BICC1: variants seen among roughly 807,000 people sequenced by gnomAD.
BICC1 encodes the protein BicC family RNA binding protein 1.
In BICC1, 43 loss-of-function variants were observed where a neutral mutation model predicts 111.0. The ratio of observed to expected loss-of-function variants is 0.39; its 90% CI spans 0.30 to 0.50. The LOEUF (loss-of-function observed/expected upper bound fraction) is 0.50, where lower values mean the gene tolerates loss of function less well. Ranked by LOEUF, BICC1 falls within the 20% of genes least tolerant of loss-of-function variation. The probability of loss-of-function intolerance (pLI) is 0.88; values close to 1 mark genes in which losing one functional copy is unlikely to be tolerated. For synonymous variants in BICC1, 467 were observed against 434.4 expected (o/e 1.07, Z -0.93); for missense variants, 1,091 against 1,203.2 (o/e 0.91, Z 1.38).
intron 2 of BICC1, among the ~76,000 whole-genome samples, chr10:58,676,226 G>A (rs1170834979): frequency 1.3e-5 from 2 of 152,170 alleles, no homozygotes; most frequent in Non-Finnish European, 1.5e-5. Flanking sequence ...ACTAGCTGCA[G>A]GAGTGTTTTT....
intron 1 of BICC1, among the ~76,000 whole-genome samples, chr10:58,519,671 C>T (rs1006516715): frequency 1.4e-4 from 21 of 152,108 alleles, no homozygotes; most frequent in Admixed American, 7.9e-4. Flanking sequence ...CTGAGAGGCT[C>T]CCTAGAATTT....
intron 2 of BICC1, among the ~76,000 whole-genome samples, chr10:58,698,297 T>C (rs1007680381): frequency 1.8e-4 from 27 of 152,114 alleles, no homozygotes; most frequent in African/African-American, 6.3e-4. Context: ...ATGTGTGGGG[T>C]GAGCCTTGAA....
intron 1 of BICC1, among the ~76,000 whole-genome samples, chr10:58,583,603 TG>T (rs1251232266): frequency 3.9e-5 from 6 of 152,134 alleles, no homozygotes; most frequent in Non-Finnish European, 5.9e-5. Flanking sequence ...TGTGTGTGTG[TG>T]TGTGTGTGTG....
chr10:58,745,998 T>G (rs760409282), intron 3 of BICC1, among the ~76,000 whole-genome samples: 1 of 152,052 alleles, frequency 6.6e-6, no homozygotes, highest in Non-Finnish European at 1.5e-5. Flanking sequence ...CACAGGCAGA[T>G]GAGAGAGGTT....
intron 9 of BICC1, among the ~76,000 whole-genome samples, chr10:58,794,942 AAAG>A (rs1843303429): frequency 6.6e-6 from 1 of 152,194 alleles, no homozygotes. Flanking sequence ...TTGAGTAAAA[AAAG>A]TATATTGCAT....
chr10:58,639,628 C>T (rs140586522), intron 2 of BICC1, among the ~76,000 whole-genome samples: 1,584 of 143,142 alleles, frequency 0.011, 26 homozygotes, highest in African/African-American at 0.04. Context: ...TGTTGGCCAG[C>T]CTGGTCTCGA....
At chr10:58,636,281 C>T (rs1369521742) in intron 2 of BICC1, among the ~76,000 whole-genome samples, 1 of 152,190 alleles carries the variant, frequency 6.6e-6, no homozygotes, top group African/African-American at 2.4e-5. Flanking sequence ...CCCAATTCAA[C>T]ACTGTTTATT....
At chr10:58,531,407 G>T (rs754352999) in intron 1 of BICC1, among the ~76,000 whole-genome samples, 1 of 151,810 alleles carries the variant, frequency 6.6e-6, no homozygotes. Context: ...TTGAGAGACC[G>T]CCAGAATCTC....
rs1185110668 is a variant in BICC1 at position 58,800,323 on chromosome 10, G to A, written c.1855G>A (p.Glu619Lys). ...EQTSPKSSPTEGCNDAFVEVG... is the reference protein window; with the variant it reads ...EQTSPKSSPTKGCNDAFVEVG... ...GACATCTCCCAAATCAAGCCCCACT[G>A]AAGGTCGGGAACTGTACCCTTCTGA... Residue 619 changes from glutamate (E) to lysine (K), a missense_variant, in exon 13 of 21, where the codon GAA (glutamate) becomes AAA (lysine). Glu to Lys is a moderately conservative substitution (Grantham distance 56). Transcript: ENST00000373886. 2.5e-6 allele frequency: 4 copies of A among 1,613,448 alleles called. No homozygotes were observed. Among genetic ancestry groups the A allele is most frequent in the Non-Finnish European group, 3.4e-6 (4 of 1,179,658 alleles).
Position 58,759,597 on chromosome 10 carries a change from CTT to C in BICC1, c.308-25400_308-25399del, listed in dbSNP as rs372732870. 2.8e-3 allele frequency among the ~76,000 whole-genome samples: 431 copies of C among 152,244 alleles called. 4 individuals are homozygous for C. The highest frequency in any genetic ancestry group is 4.0e-3 in the Non-Finnish European group (273 of 68,006). On this transcript the variant is annotated intron_variant, in intron 3 of 20. Coordinates refer to ENST00000373886, the MANE Select transcript of BICC1 (RefSeq NM_001080512.3). ...GTTAATACAATATTTCCTGTTTACT[CTT>C]TTTCTATGGTGTAAAAGAAACTGAA... is the stretch of plus-strand genomic sequence containing the variant.
chr10:58,542,160 A>AAG (rs894247565), intron 1 of BICC1, among the ~76,000 whole-genome samples: 1 of 146,870 alleles, frequency 6.8e-6, no homozygotes, highest in Admixed American at 6.7e-5. Flanking sequence ...CAAAAAAAAA[A>AAG]AAAAAACAAA....
chr10:58,543,359 G>A (rs144688108), intron 1 of BICC1, among the ~76,000 whole-genome samples: 2 of 152,222 alleles, frequency 1.3e-5, no homozygotes, highest in Non-Finnish European at 2.9e-5. Context: ...AAGGGATAGG[G>A]ATGAAGAAAG....
intron 9 of BICC1, among the ~76,000 whole-genome samples, chr10:58,794,465 C>A (rs972700976): frequency 7.3e-5 from 11 of 150,438 alleles, no homozygotes; most frequent in Admixed American, 7.3e-4. Flanking sequence ...ATCACCAAGG[C>A]TGGAGTACAG....
intron 1 of BICC1, among the ~76,000 whole-genome samples, chr10:58,580,397 C>A (rs1303652270): frequency 6.6e-6 from 1 of 152,084 alleles, no homozygotes; most frequent in Non-Finnish European, 1.5e-5. Context: ...CTCTAAAATT[C>A]AAAACTTTCT....
At chr10:58,602,950 C>G (rs962060506) in intron 1 of BICC1, among the ~76,000 whole-genome samples, 1 of 152,154 alleles carries the variant, frequency 6.6e-6, no homozygotes, top group Admixed American at 6.5e-5. Flanking sequence ...TCCTCCAGTT[C>G]CACTGGACAC....
chr10:58,751,487 G>T lies in BICC1; in HGVS notation c.308-33514G>T, dbSNP rs1306993162. Among the ~76,000 whole-genome samples the T allele has an allele frequency of 3.3e-5, 5 of 152,020 alleles. No homozygotes were observed. The East Asian group carries it at 7.7e-4, about 23-fold the overall frequency. On this transcript the variant is annotated intron_variant, in intron 3 of 20. Coordinates refer to ENST00000373886, the MANE Select transcript of BICC1 (RefSeq NM_001080512.3). Reference sequence around the variant, plus strand: ...GAAGTCCTTTATTAATAATACCTGGGATATGTTTTGTATTTAGGAAGTAAC... The same window carrying T: ...GAAGTCCTTTATTAATAATACCTGGTATATGTTTTGTATTTAGGAAGTAAC...
chr10:58,756,626 C>CTTTTTTTTTTTT (rs66709538), intron 3 of BICC1, among the ~76,000 whole-genome samples: 1 of 135,890 alleles, frequency 7.4e-6, no homozygotes, highest in Non-Finnish European at 1.6e-5. Context: ...AACTACTAGC[C>CTTTTTTTTTTTT]TTTTTTTTTT....
Position 58,527,672 on chromosome 10 carries a change from AAT to A in BICC1, c.190+14341_190+14342del, listed in dbSNP as rs1191589828. On this transcript the variant is annotated intron_variant, in intron 1 of 20. Transcript: ENST00000373886. ...CCAGTTTTCCCAGCACCATTTATTA[AAT>A]AGGGAATCCTTTCCCCATTTCTTGT... Among the ~76,000 whole-genome samples the A allele has an allele frequency of 2.0e-5, 3 of 152,194 alleles. No homozygotes were observed. The East Asian group carries it at 5.8e-4, about 29-fold the overall frequency.
chr10:58,546,269 G>A (rs993187111), intron 1 of BICC1, among the ~76,000 whole-genome samples: 1 of 152,142 alleles, frequency 6.6e-6, no homozygotes, highest in African/African-American at 2.4e-5. Flanking sequence ...TGAACATAGG[G>A]AGTGGTGGAG....
Sources: allele counts gnomAD v4.1 joint callset (sites outside exome capture counted in the v4.1 genomes callset), GRCh38; gene constraint gnomAD v4.1.1; transcripts MANE v1.5; gene names NCBI Gene and HGNC (gene_info 2026-07-23, HGNC 2026-07-21).